The following GLS2 variants were observed in gnomAD, a reference collection of about 807,000 sequenced individuals.
GLS2 encodes the protein glutaminase liver isoform, mitochondrial.
Under a neutral mutation model 79.0 loss-of-function variants are expected in GLS2, and 52 were observed. The observed-to-expected ratio is 0.66, with a 90% CI of 0.53 to 0.83. GLS2 has a LOEUF of 0.83. Among genes scored for constraint, GLS2 ranks in the 40% least tolerant of loss-of-function variants. The pLI, the probability that GLS2 is intolerant of heterozygous loss-of-function variation, is 0.00. For missense variants in GLS2, 561 were observed against 764.8 expected, an observed-to-expected ratio of 0.73 and a Z score of 3.14; for synonymous variants, 238 against 280.8, an observed-to-expected ratio of 0.85 and a Z score of 1.52.
chr12:56,472,789 C>T (rs772287526), intron 14 of GLS2, 38 bp from the exon 15 acceptor site: 61 of 1,586,876 alleles, frequency 3.8e-5, no homozygotes, highest in African/African-American at 5.4e-5. Context: ...ATTAATTGAA[C>T]TCACCTATGC....
At position 56,473,313 on chromosome 12, in the gene GLS2, A is replaced by G; in HGVS notation, c.1364T>C (p.Val455Ala). Reference sequence around the variant, plus strand: ...ATAGTTGTGGAAATTGAAGAGAGACACCAACTTCTAGAATTGTAAGCCAAA... The same window carrying G: ...ATAGTTGTGGAAATTGAAGAGAGACGCCAACTTCTAGAATTGTAAGCCAAA... ...HRGTSFCQKLVSLFNFHNYDN... is the reference protein window; with the variant it reads ...HRGTSFCQKLASLFNFHNYDN... Residue 455 changes from valine (V) to alanine (A), a missense_variant, in exon 14 of 18, where the codon GTG becomes GCG. Val to Ala is a moderately conservative substitution (Grantham distance 64). This residue lies in a region of GLS2 where 136 missense variants were observed against 228.6 expected (regional missense o/e 0.59). Coordinates refer to ENST00000311966, the MANE Select transcript of GLS2 (RefSeq NM_013267.4). The G allele has an allele frequency of 6.2e-7, 1 of 1,614,218 alleles. No individual in the cohort carries two copies. The highest frequency in any genetic ancestry group is 2.2e-5 in the East Asian group (1 of 44,890).
chr12:56,473,394 G>T, intron 13 of GLS2, 69 bp downstream of exon 13: 1 of 1,605,098 alleles, frequency 6.2e-7, no homozygotes, highest in South Asian at 1.1e-5. Context: ...CTTTATTATA[G>T]TAAAAGTGGT....
At chr12:56,484,185 G>A (rs969357065) in intron 1 of GLS2, among the ~76,000 whole-genome samples, 1 of 152,092 alleles carries the variant, frequency 6.6e-6, no homozygotes, top group African/African-American at 2.4e-5. Flanking sequence ...CAGGAGAATC[G>A]CTTGAACCCA....
chr12:56,479,293 C>CAAAGGT (rs1870095640), intron 3 of GLS2, 112 bp from the exon 4 acceptor site: 15 of 1,365,874 alleles, frequency 1.1e-5, no homozygotes, highest in Admixed American at 2.4e-5. Context: ...GGTTTGGGAT[C>CAAAGGT]AACAGCTCTG....
intron 1 of GLS2, 131 bp downstream of exon 1, chr12:56,487,806 A>T: frequency 2.7e-6 from 3 of 1,101,690 alleles, no homozygotes; most frequent in Non-Finnish European, 3.7e-6. Context: ...CCAAAGGAAA[A>T]GGCACCGAGG....
chr12:56,481,960 G>T (rs937673614), intron 1 of GLS2, among the ~76,000 whole-genome samples: 4 of 151,738 alleles, frequency 2.6e-5, no homozygotes, highest in African/African-American at 9.7e-5. Flanking sequence ...GCCGGGCATG[G>T]TGGTTCACAC....
rs1204884563 is a variant in GLS2, at chr12:56,471,832, G to A, written c.1593C>T (p.His531=). ...TALHVAAAEG[H]IEVVKFLIEA... The stretch of plus-strand genomic sequence containing the variant: ...CGATCAGGAATTTAACAACTTCGAT[G>A]TGTCCTAGGAATATGGGCAGAAGGA... The change falls in exon 17 of 18, where the codon CAC becomes CAT. Residue 531 remains histidine (H), a synonymous_variant. Transcript: ENST00000311966. 4 of 1,613,974 alleles carry A rather than the reference G, an allele frequency of 2.5e-6. No homozygotes were observed. The African/African-American group carries it at 5.3e-5, about 22-fold the overall frequency.
chr12:56,486,014 CAAAAAAA>C (rs11414489), intron 1 of GLS2, among the ~76,000 whole-genome samples: 1,385 of 93,702 alleles, frequency 0.015, 25 homozygotes, highest in African/African-American at 0.054. Context: ...ACTCTGTCTC[CAAAAAAA>C]AAAAAAAAAA....
At chr12:56,486,028 A>AG (rs1339916172) in intron 1 of GLS2, among the ~76,000 whole-genome samples, 5 of 150,966 alleles carry the variant, frequency 3.3e-5, no homozygotes, top group African/African-American at 1.2e-4. Flanking sequence ...AAAAAAAAAA[A>AG]AAAAAAGTCA....
chr12:56,485,334 A>C (rs1392690254), intron 1 of GLS2, among the ~76,000 whole-genome samples: 1 of 152,100 alleles, frequency 6.6e-6, no homozygotes, highest in Non-Finnish European at 1.5e-5. Context: ...ATGGATCACT[A>C]CAGCCTCGAC....
chr12:56,485,844 C>T (rs1300950715), intron 1 of GLS2, among the ~76,000 whole-genome samples: 1 of 151,726 alleles, frequency 6.6e-6, no homozygotes, highest in Non-Finnish European at 1.5e-5. Context: ...GAGTTTGAGA[C>T]CAGCCTGGCC....
At chr12:56,473,771 C>A (rs1472200106) in intron 12 of GLS2, 177 bp from the exon 13 acceptor site, 3 of 691,666 alleles carry the variant, frequency 4.3e-6, no homozygotes, top group Non-Finnish European at 6.7e-6. Flanking sequence ...CCCTTAAATT[C>A]ATTGATTCAG....
At chr12:56,486,613 G>A (rs1870706736) in intron 1 of GLS2, among the ~76,000 whole-genome samples, 1 of 152,210 alleles carries the variant, frequency 6.6e-6, no homozygotes, top group Non-Finnish European at 1.5e-5. Context: ...GGCTGAGGCA[G>A]GCGGATCACC....
Position 56,480,281 on chromosome 12 carries a change from A to G in GLS2, c.282+7T>C. The stretch of plus-strand genomic sequence containing the variant: ...TTAGGATCCTGAACAGGTAGAGGGC[A>G]ACTTACAGTGGTGAACTTGTGGATA... On this transcript the variant is annotated splice_region_variant and intron_variant, in intron 2 of 17. Transcript: ENST00000311966. The G allele has an allele frequency of 6.2e-7, 1 of 1,612,160 alleles. No homozygotes were observed. Among genetic ancestry groups the G allele is most frequent in the Non-Finnish European group, 8.5e-7 (1 of 1,178,214 alleles).
chr12:56,477,618 C>G, intron 7 of GLS2, 42 bp downstream of exon 7: 1 of 1,580,202 alleles, frequency 6.3e-7, no homozygotes, highest in Non-Finnish European at 8.7e-7. Context: ...AACACAGGAG[C>G]TTAGAGGATA....
intron 15 of GLS2, 140 bp downstream of exon 15, chr12:56,472,550 T>A (rs2638314): frequency 0.17 from 130,433 of 755,052 alleles, 12,204 homozygotes; most frequent in Admixed American, 0.21. Flanking sequence ...TCTCCTTTTT[T>A]AAAAAAATTT....
Position 56,477,643 on chromosome 12 carries a change from G to T in GLS2, c.837+17C>A, listed in dbSNP as rs116424949. On this transcript the variant is annotated intron_variant, in intron 7 of 17. Coordinates refer to ENST00000311966, the MANE Select transcript of GLS2 (RefSeq NM_013267.4). Reference sequence around the variant, plus strand: ...CTTAGAGGATAATACCTATCAGAAGGTTAAGGTGGCACTGACCTTGATCAG... The same window carrying T: ...CTTAGAGGATAATACCTATCAGAAGTTTAAGGTGGCACTGACCTTGATCAG... 1.6e-3 allele frequency: 2,549 copies of T among 1,610,952 alleles called. 38 individuals carry two copies. The African/African-American group carries it at 0.031, about 19-fold the overall frequency.
chr12:56,486,930 ACAGAGAC>A (rs1870737770), intron 1 of GLS2, among the ~76,000 whole-genome samples: 2 of 151,576 alleles, frequency 1.3e-5, no homozygotes, highest in African/African-American at 4.9e-5. Flanking sequence ...GTCCCTTACG[ACAGAGAC>A]TCGAGTAGTG....
chr12:56,479,019 C>T (rs1166627293), intron 4 of GLS2, 33 bp downstream of exon 4: 4 of 1,604,428 alleles, frequency 2.5e-6, no homozygotes, highest in Admixed American at 1.7e-5. Flanking sequence ...TGGCCCAGGT[C>T]CCTGACCCCT....
Sources: gnomAD v4.1 joint callset for allele counts (sites outside exome capture counted in the v4.1 genomes callset) on GRCh38, gnomAD v4.1.1 for gene constraint, gnomAD v4.1.1 regional missense constraint, MANE v1.5 for transcripts, NCBI Gene and HGNC (gene_info 2026-07-23, HGNC 2026-07-21) for gene names.